The following ATXN1 variants were observed in gnomAD, a reference collection of about 807,000 sequenced individuals.
ATXN1 encodes the protein ataxin 1.
Under a neutral mutation model 56.4 loss-of-function variants are expected in ATXN1, and 8 were observed. The observed-to-expected ratio is 0.14, with a 90% CI of 0.08 to 0.26. The LOEUF (loss-of-function observed/expected upper bound fraction) is 0.26, where lower values mean the gene tolerates loss of function less well. Among genes scored for constraint, ATXN1 ranks in the 10% least tolerant of loss-of-function variants. ATXN1 has a pLI of 1.00. For missense variants in ATXN1, 987 were observed against 1,106.5 expected (o/e 0.89, Z 1.53); for synonymous variants, 514 against 494.6 (o/e 1.04, Z -0.52).
intron 2 of ATXN1, among the ~76,000 whole-genome samples, chr6:16,684,270 T>A (rs1162846973): frequency 6.6e-6 from 1 of 152,220 alleles, no homozygotes; most frequent in East Asian, 1.9e-4. Context: ...GGAGACCAAG[T>A]TCCTTATTGG....
At chr6:16,397,370 T>A (rs1190437416) in intron 6 of ATXN1, among the ~76,000 whole-genome samples, 1 of 152,122 alleles carries the variant, frequency 6.6e-6, no homozygotes, top group Admixed American at 6.5e-5. Context: ...TCCAAGTGAT[T>A]CTCCTGCTTC....
At chr6:16,341,819 G>A (rs958263436) in intron 6 of ATXN1, among the ~76,000 whole-genome samples, 1 of 149,950 alleles carries the variant, frequency 6.7e-6, no homozygotes, top group East Asian at 2.0e-4. Flanking sequence ...GCACCCGGCT[G>A]GTATAGAGGA....
intron 7 of ATXN1, among the ~76,000 whole-genome samples, chr6:16,307,954 G>C (rs1760294058): frequency 6.6e-6 from 1 of 152,182 alleles, no homozygotes; most frequent in Non-Finnish European, 1.5e-5. Context: ...AGGAGTTTGA[G>C]ACCAGCCTGG....
In ATXN1 at chr6:16,410,251, C is replaced by T. The variant is rs1275200552; in HGVS notation, c.-161+75721G>A. 6.6e-6 allele frequency among the ~76,000 whole-genome samples: 1 copy of T among 152,168 alleles called. No individual in the cohort carries two copies. Among genetic ancestry groups the T allele is most frequent in the Non-Finnish European group, 1.5e-5 (1 of 68,030 alleles). ...TGAAATACTGTGACTCTGCTGTGTA[C>T]TTAATTGACATCTCTTTCTGAAGGA... On this transcript the variant is annotated intron_variant, in intron 6 of 7. Coordinates refer to ENST00000436367, the MANE Select transcript of ATXN1 (RefSeq NM_001128164.2). The surrounding 1 kb of genome is among the most constrained non-coding windows in gnomAD (Gnocchi z 4.6).
At chr6:16,557,934 T>C (rs1485951719) in intron 4 of ATXN1, among the ~76,000 whole-genome samples, 2 of 152,224 alleles carry the variant, frequency 1.3e-5, no homozygotes, top group African/African-American at 4.8e-5. Flanking sequence ...ACACATTATA[T>C]GGTTCCATTT....
At chr6:16,414,414 C>G (rs545698839) in intron 6 of ATXN1, among the ~76,000 whole-genome samples, 13 of 152,326 alleles carry the variant, frequency 8.5e-5, no homozygotes, top group African/African-American at 3.1e-4. Flanking sequence ...TCTCTCCACT[C>G]AGAATTCACT....
At chr6:16,492,280 G>T (rs575630681) in intron 5 of ATXN1, among the ~76,000 whole-genome samples, 3 of 150,958 alleles carry the variant, frequency 2.0e-5, no homozygotes, top group African/African-American at 4.9e-5. Context: ...GTAGTGGGGT[G>T]GGGGGAGCGG....
chr6:16,751,020 G>C (rs1275036875), intron 2 of ATXN1, among the ~76,000 whole-genome samples: 5 of 147,942 alleles, frequency 3.4e-5, no homozygotes, highest in Non-Finnish European at 1.5e-5. Context: ...CCAGGCTGGA[G>C]TGCAGTGGCG....
chr6:16,445,638 G>A (rs977278628), intron 6 of ATXN1, among the ~76,000 whole-genome samples: 7 of 150,502 alleles, frequency 4.7e-5, no homozygotes, highest in Admixed American at 4.6e-4. Context: ...TCGTCATCTA[G>A]CATTAGGTGT....
chr6:16,495,785 C>T (rs1760768816), intron 5 of ATXN1, among the ~76,000 whole-genome samples: 1 of 151,898 alleles, frequency 6.6e-6, no homozygotes, highest in African/African-American at 2.4e-5. Flanking sequence ...ATCACTTGAA[C>T]CCAGGAAGCG....
intron 4 of ATXN1, among the ~76,000 whole-genome samples, chr6:16,546,102 A>C (rs192741564): frequency 1.8e-4 from 27 of 152,312 alleles, no homozygotes; most frequent in Admixed American, 1.5e-3. Flanking sequence ...AGGACCAGCC[A>C]GTAGGAGGGC....
At chr6:16,321,785 G>A (rs1175705129) in intron 7 of ATXN1, among the ~76,000 whole-genome samples, 1 of 152,170 alleles carries the variant, frequency 6.6e-6, no homozygotes, top group Non-Finnish European at 1.5e-5. Flanking sequence ...CTTAGCATGA[G>A]GTCAGTACAT....
At chr6:16,309,360 A>C (rs533320566) in intron 7 of ATXN1, among the ~76,000 whole-genome samples, 1 of 152,206 alleles carries the variant, frequency 6.6e-6, no homozygotes, top group African/African-American at 2.4e-5. Context: ...ATAGACATGG[A>C]TTAAGAAAGA....
At chr6:16,723,507 G>A (rs1476650879) in intron 2 of ATXN1, among the ~76,000 whole-genome samples, 1 of 152,122 alleles carries the variant, frequency 6.6e-6, no homozygotes, top group Non-Finnish European at 1.5e-5. Flanking sequence ...ATAAAATCAT[G>A]TTCTATATCA....
intron 2 of ATXN1, among the ~76,000 whole-genome samples, chr6:16,711,893 A>G (rs1328209843): frequency 6.6e-6 from 1 of 152,188 alleles, no homozygotes. Flanking sequence ...CATTTTTTAA[A>G]TTAACTGTTG....
intron 2 of ATXN1, among the ~76,000 whole-genome samples, chr6:16,751,696 G>A (rs138303660): frequency 0.011 from 1,738 of 152,248 alleles, 16 homozygotes; most frequent in South Asian, 0.017. Context: ...TTGCAGAGCC[G>A]TAGATGTCTA....
intron 6 of ATXN1, among the ~76,000 whole-genome samples, chr6:16,435,909 T>A (rs908817013): frequency 6.6e-6 from 1 of 152,118 alleles, no homozygotes; most frequent in South Asian, 2.1e-4. Context: ...TTTTTCTTTT[T>A]TTTTTGGAGA....
At chr6:16,568,292 A>C in intron 4 of ATXN1, among the ~76,000 whole-genome samples, 1 of 152,016 alleles carries the variant, frequency 6.6e-6, no homozygotes, top group East Asian at 1.9e-4. Flanking sequence ...ATTAAATTTT[A>C]AGAGAGAGGC....
chr6:16,717,707 G>A (rs1047046831), intron 2 of ATXN1, among the ~76,000 whole-genome samples: 3 of 152,184 alleles, frequency 2.0e-5, no homozygotes, highest in Non-Finnish European at 4.4e-5. Flanking sequence ...CTGGCATCAT[G>A]GTCTCAACTC....
Sources: allele counts gnomAD v4.1 joint callset (sites outside exome capture counted in the v4.1 genomes callset), GRCh38; gene constraint gnomAD v4.1.1; non-coding constraint Gnocchi (gnomAD v3.1); transcripts MANE v1.5; gene names NCBI Gene and HGNC (gene_info 2026-07-23, HGNC 2026-07-21).